LRRC41: variants seen among roughly 807,000 people sequenced by gnomAD.
LRRC41 encodes leucine-rich repeat-containing protein 41.
A neutral mutation model predicts 72.1 loss-of-function variants in LRRC41; 17 were observed. The observed-to-expected ratio is 0.24, with a 90% CI of 0.16 to 0.35. The LOEUF is 0.35. Among genes scored for constraint, LRRC41 ranks in the 10% least tolerant of loss-of-function variants. LRRC41 has a pLI of 1.00. For missense variants in LRRC41, 759 were observed against 1,065.0 expected, an observed-to-expected ratio of 0.71 and a Z score of 4.00; for synonymous variants, 427 against 431.0, an observed-to-expected ratio of 0.99 and a Z score of 0.11.
chr1:46,303,524 A>G lies in LRRC41; in HGVS notation c.-202T>C, dbSNP rs139158837. ...TAGATCAATTATACTTGGGTGTGGTATGACTAAGGGGATGTTTCTTAGCAA... is the reference window on the plus strand; with the variant it reads ...TAGATCAATTATACTTGGGTGTGGTGTGACTAAGGGGATGTTTCTTAGCAA... On this transcript the variant is annotated 5_prime_UTR_variant, in exon 1 of 10. Transcript: ENST00000617190. The G allele has an allele frequency of 8.7e-5, 64 of 736,174 alleles. No homozygotes were observed. The Admixed American group carries it at 1.6e-3, about 18-fold the overall frequency. 45.6% of individuals were successfully genotyped at this position (736,174 alleles called of 1,614,324 possible).
At chr1:46,291,748 C>T (rs1293301562) in intron 3 of LRRC41, among the ~76,000 whole-genome samples, 2 of 150,712 alleles carry the variant, frequency 1.3e-5, no homozygotes, top group Non-Finnish European at 1.5e-5. Flanking sequence ...TTAGTAGAGA[C>T]GGGGTTTCAC....
intron 4 of LRRC41, among the ~76,000 whole-genome samples, chr1:46,282,985 T>G (rs577188746): frequency 6.7e-6 from 1 of 149,526 alleles, no homozygotes; most frequent in African/African-American, 2.5e-5. Context: ...GATTGCACCA[T>G]TGCACTCCAG....
rs771266494 is a variant in LRRC41, at chr1:46,286,380, G to A, written c.477C>T (p.His159=). 19 of 1,614,192 alleles carry A rather than the reference G, an allele frequency of 1.2e-5. No homozygotes were observed. Among genetic ancestry groups the A allele is most frequent in the Non-Finnish European group, 1.6e-5 (19 of 1,180,038 alleles). The change falls in exon 4 of 10, where the codon CAC becomes CAT. Residue 159 remains histidine, a synonymous_variant. Coordinates refer to ENST00000617190, the MANE Select transcript of LRRC41 (RefSeq NM_006369.5). The surrounding 1 kb of genome is among the most constrained non-coding windows in gnomAD (Gnocchi z 5.5). ...LCDQRFSPLL[H]SSRHVRQLTI... ...TGAGCTGTCGGACATGGCGGGAGCT[G>A]TGCAGAAGAGGTGAGAACCGCTGAT...
In LRRC41 at chr1:46,277,679, A is replaced by T; in HGVS notation, c.*1186T>A. The T allele has an allele frequency of 1.0e-6, 1 of 978,172 alleles. No homozygotes were observed. The highest frequency in any genetic ancestry group is 1.6e-6 in the Non-Finnish European group (1 of 634,026). The allele number at this position is 978,172 out of a possible 1,614,324, so 60.6% of individuals were successfully genotyped here. Reference sequence around the variant, plus strand: ...AATGGACCTCAGCTGAGTAGAGATAATGTTCTGGGACTCATACTTTTTATT... The same window carrying T: ...AATGGACCTCAGCTGAGTAGAGATATTGTTCTGGGACTCATACTTTTTATT... On this transcript the variant is annotated 3_prime_UTR_variant, in exon 10 of 10. Coordinates refer to ENST00000617190, the MANE Select transcript of LRRC41 (RefSeq NM_006369.5).
At chr1:46,291,876 G>A (rs1661026409) in intron 3 of LRRC41, among the ~76,000 whole-genome samples, 1 of 151,942 alleles carries the variant, frequency 6.6e-6, no homozygotes, top group South Asian at 2.1e-4. Context: ...TTCTGGGGAG[G>A]AGAGGGTCTC....
At chr1:46,288,608 T>C (rs1380033317) in intron 3 of LRRC41, among the ~76,000 whole-genome samples, 1 of 152,188 alleles carries the variant, frequency 6.6e-6, no homozygotes, top group Non-Finnish European at 1.5e-5. Flanking sequence ...CATTCCTCCA[T>C]ACTGGAGTGA....
chr1:46,277,741 T>G lies in LRRC41; in HGVS notation c.*1124A>C, dbSNP rs1233435918. On this transcript the variant is annotated 3_prime_UTR_variant, in exon 10 of 10. Transcript: ENST00000617190. ...CTCGGGTAGCTGTAGTTTCAACCCTTTGGTTTTCCTGCTCCCTTTTTATGA... is the reference window on the plus strand; with the variant it reads ...CTCGGGTAGCTGTAGTTTCAACCCTGTGGTTTTCCTGCTCCCTTTTTATGA... 4.0e-6 allele frequency: 6 copies of G among 1,498,280 alleles called. No individual in the cohort carries two copies. Among genetic ancestry groups the G allele is most frequent in the Admixed American group, 1.7e-5 (1 of 59,816 alleles). The allele number at this position is 1,498,280 out of a possible 1,614,324, so 92.8% of individuals were successfully genotyped here.
rs563158311 is a variant in LRRC41, at chr1:46,294,348, TCCACCCACCTTGG to T, written c.357+3202_357+3214del. On this transcript the variant is annotated intron_variant, in intron 3 of 9. Transcript: ENST00000617190. ...GTCTCAAACTCGTAAGCTCAAGCAATCCACCCACCTTGGCCTCCCAAAGTGCTGGGATTACAGG... is the reference window on the plus strand; with the variant it reads ...GTCTCAAACTCGTAAGCTCAAGCAATCCTCCCAAAGTGCTGGGATTACAGG... 2.4e-3 allele frequency among the ~76,000 whole-genome samples: 358 copies of T among 152,108 alleles called. 2 individuals carry two copies. The highest frequency in any genetic ancestry group is 8.2e-3 in the African/African-American group (339 of 41,486).
In LRRC41 at chr1:46,286,143, A is replaced by G. The variant is rs1322075546; in HGVS notation, c.714T>C (p.Pro238=). Residue 238 remains proline, a synonymous_variant, in exon 4 of 10, where the codon CCT becomes CCC. Coordinates refer to ENST00000617190, the MANE Select transcript of LRRC41 (RefSeq NM_006369.5). This position sits in a 1 kb window ranked among gnomAD's most constrained non-coding sequence, Gnocchi z 5.5. ...SQVSLYSWPV[P]ESALFILILT... ...GAATAAGGATGAAAAGGGCTGACTCAGGCACAGGCCAGGAGTATAGCGACA... is the reference window on the plus strand; with the variant it reads ...GAATAAGGATGAAAAGGGCTGACTCGGGCACAGGCCAGGAGTATAGCGACA... 1 of 1,614,280 alleles carries G rather than the reference A, an allele frequency of 6.2e-7. No individual in the cohort carries two copies. The highest frequency in any genetic ancestry group is 1.3e-5 in the African/African-American group (1 of 75,080).
In LRRC41 at chr1:46,280,575, G is replaced by T. The variant is rs1456652961; in HGVS notation, c.1757-15C>A. On this transcript the variant is annotated splice_polypyrimidine_tract_variant and intron_variant, in intron 5 of 9. Coordinates refer to ENST00000617190, the MANE Select transcript of LRRC41 (RefSeq NM_006369.5). ...CAGGCAGTTTTCTGGATATGGTGGG[G>T]AAAGAAGATTCCAGCTGGCCATCTC... 3.1e-6 allele frequency: 5 copies of T among 1,611,478 alleles called. No individual in the cohort carries two copies. In the African/African-American group the frequency reaches 6.7e-5, roughly 22 times the overall value.
intron 4 of LRRC41, 22 bp from the exon 5 acceptor site, chr1:46,281,407 G>A: frequency 6.2e-7 from 1 of 1,612,146 alleles, no homozygotes; most frequent in African/African-American, 1.3e-5. Flanking sequence ...AAGAGATTAA[G>A]TCAGAACCAT....
At position 46,286,653 on chromosome 1, in the gene LRRC41, A is replaced by G. The variant is rs1660889647; in HGVS notation, c.358-154T>C. 6.6e-6 allele frequency among the ~76,000 whole-genome samples: 1 copy of G among 152,114 alleles called. No individual in the cohort carries two copies. Among genetic ancestry groups the G allele is most frequent in the South Asian group, 2.1e-4 (1 of 4,826 alleles). On this transcript the variant is annotated intron_variant, in intron 3 of 9. Coordinates refer to ENST00000617190, the MANE Select transcript of LRRC41 (RefSeq NM_006369.5). The surrounding 1 kb of genome is among the most constrained non-coding windows in gnomAD (Gnocchi z 5.5). Reference sequence around the variant, plus strand: ...TGAGGTATGTATTATTATTAGCCCTATTTTACAGGTAAAACCGAGGCACAA... The same window carrying G: ...TGAGGTATGTATTATTATTAGCCCTGTTTTACAGGTAAAACCGAGGCACAA...
intron 3 of LRRC41, among the ~76,000 whole-genome samples, chr1:46,294,215 C>T (rs943928299): frequency 6.6e-6 from 1 of 150,844 alleles, no homozygotes; most frequent in South Asian, 2.1e-4. Context: ...CCTGGGCTCC[C>T]TCCCACCTCA....
chr1:46,280,599 T>C (rs569902858), intron 5 of LRRC41, 39 bp from the exon 6 acceptor site: 1 of 1,601,694 alleles, frequency 6.2e-7, no homozygotes, highest in African/African-American at 1.3e-5. Context: ...GCTGGCCATC[T>C]CTACCTCACT....
intron 3 of LRRC41, among the ~76,000 whole-genome samples, chr1:46,294,767 G>A (rs1411757613): frequency 2.0e-5 from 3 of 151,468 alleles, no homozygotes; most frequent in Non-Finnish European, 4.4e-5. Flanking sequence ...GCTAATTTTT[G>A]TATTTTCAGT....
At chr1:46,297,351 C>A in intron 3 of LRRC41, 1 of 465,192 alleles carries the variant, frequency 2.1e-6, no homozygotes, top group East Asian at 3.5e-5. Context: ...CTAACTTTCC[C>A]TGTTTTGTGT....
At chr1:46,300,721 T>TTTCC (rs1661205456) in intron 1 of LRRC41, 2 of 152,236 alleles carry the variant, frequency 1.3e-5, no homozygotes, top group Admixed American at 1.3e-4. Flanking sequence ...TATTTTAAAG[T>TTTCC]TTCCTCATTG....
intron 3 of LRRC41, chr1:46,297,297 A>G: frequency 2.6e-6 from 1 of 391,110 alleles, no homozygotes; most frequent in South Asian, 3.7e-5. Context: ...CACCAACACC[A>G]TCAAGAACTC....
chr1:46,294,618 G>A (rs1348015363), intron 3 of LRRC41, among the ~76,000 whole-genome samples: 2 of 116,266 alleles, frequency 1.7e-5, no homozygotes. Context: ...TTTTTGAGTC[G>A]GAGTCTTGCT....
Sources: gnomAD v4.1 joint callset for allele counts (sites outside exome capture counted in the v4.1 genomes callset) on GRCh38, gnomAD v4.1.1 for gene constraint, Gnocchi (gnomAD v3.1) non-coding constraint, MANE v1.5 for transcripts, NCBI Gene and HGNC (gene_info 2026-07-23, HGNC 2026-07-21) for gene names.